NTM: variants seen among roughly 807,000 people sequenced by gnomAD.
NTM encodes the protein IgLON family member 2.
A neutral mutation model predicts 42.1 loss-of-function variants in NTM; 13 were observed. The observed-to-expected ratio is 0.31, with a 90% confidence interval of 0.20 to 0.49. NTM has a LOEUF of 0.49. Ranked by LOEUF, NTM falls within the 20% of genes least tolerant of loss-of-function variation. The pLI, the probability that NTM is intolerant of heterozygous loss-of-function variation, is 0.99. For synonymous variants in NTM, 187 were observed against 179.2 expected (o/e 1.04, Z -0.35); for missense variants, 373 against 452.8 (o/e 0.82, Z 1.60).
At chr11:132,115,944 C>A (rs2063828783) in intron 2 of NTM, among the ~76,000 whole-genome samples, 1 of 152,210 alleles carries the variant, frequency 6.6e-6, no homozygotes, top group South Asian at 2.1e-4. Flanking sequence ...CAGGCTCATC[C>A]TCCTCCTTGT....
At chr11:131,878,637 ATAT>A (rs2048968209) in intron 1 of NTM, among the ~76,000 whole-genome samples, 1 of 123,440 alleles carries the variant, frequency 8.1e-6, no homozygotes, top group African/African-American at 3.2e-5. Flanking sequence ...ATATATATAT[ATAT>A]AATGTCTTAT....
At chr11:131,756,174 G>A (rs1249345976) in intron 1 of NTM, among the ~76,000 whole-genome samples, 1 of 152,212 alleles carries the variant, frequency 6.6e-6, no homozygotes, top group Non-Finnish European at 1.5e-5. Flanking sequence ...TAGGAAGGGG[G>A]AAGTCATGTC....
At position 132,003,077 on chromosome 11, in the gene NTM, T is replaced by C. The variant is rs1001695329; in HGVS notation, c.167+91429T>C. Among the ~76,000 whole-genome samples, 2 of 152,142 alleles carry C rather than the reference T, an allele frequency of 1.3e-5. No homozygotes were observed. The highest frequency in any genetic ancestry group is 3.9e-4 in the East Asian group (2 of 5,176). On this transcript the variant is annotated intron_variant, in intron 2 of 8. Transcript: ENST00000683400. This position sits in a 1 kb window ranked among gnomAD's most constrained non-coding sequence, Gnocchi z 6.0. Reference sequence around the variant, plus strand: ...GAGCGCACTAAACAGTAAGATGCGCTGCCACAGTTGTGTGTGTAATTGACT... The same window carrying C: ...GAGCGCACTAAACAGTAAGATGCGCCGCCACAGTTGTGTGTGTAATTGACT...
At chr11:132,142,363 G>A (rs746783253) in intron 2 of NTM, among the ~76,000 whole-genome samples, 12 of 152,198 alleles carry the variant, frequency 7.9e-5, no homozygotes, top group Admixed American at 1.3e-4. Context: ...ATACCGTACC[G>A]TGTTTCAGGA....
intron 2 of NTM, among the ~76,000 whole-genome samples, chr11:132,001,045 G>A (rs1158634443): frequency 6.6e-6 from 1 of 152,184 alleles, no homozygotes; most frequent in Non-Finnish European, 1.5e-5. Flanking sequence ...GGTGGGAAAG[G>A]TCTTGAGCAG....
intron 1 of NTM, among the ~76,000 whole-genome samples, chr11:131,871,478 G>A (rs2137081630): frequency 6.6e-6 from 1 of 152,306 alleles, no homozygotes; most frequent in South Asian, 2.1e-4. Flanking sequence ...GGCAGACACA[G>A]CATGACTGAA....
At chr11:132,120,473 C>G (rs2064612614) in intron 2 of NTM, among the ~76,000 whole-genome samples, 1 of 152,214 alleles carries the variant, frequency 6.6e-6, no homozygotes, top group Non-Finnish European at 1.5e-5. Flanking sequence ...ATTTCCTCCT[C>G]TAAGGTTGCA....
chr11:132,176,611 C>T (rs1210451802), intron 3 of NTM, among the ~76,000 whole-genome samples: 1 of 151,638 alleles, frequency 6.6e-6, no homozygotes, highest in Non-Finnish European at 1.5e-5. Flanking sequence ...GTATAGATAT[C>T]CTCTCAGATT....
chr11:131,535,848 T>C (rs1035782136), intron 1 of NTM: 1 of 152,210 alleles, frequency 6.6e-6, no homozygotes, highest in Non-Finnish European at 1.5e-5. Flanking sequence ...GAAAACATGG[T>C]TGAACGAGTG....
chr11:131,488,237 C>T (rs984298530), intron 1 of NTM, among the ~76,000 whole-genome samples: 8 of 152,122 alleles, frequency 5.3e-5, no homozygotes, highest in African/African-American at 9.7e-5. Flanking sequence ...GTAGGTTGGC[C>T]GGGTGGTCTT....
chr11:131,989,717 GCACACACACACA>G (rs57222149), intron 2 of NTM, among the ~76,000 whole-genome samples: 4 of 149,332 alleles, frequency 2.7e-5, no homozygotes, highest in Admixed American at 1.3e-4. Context: ...TTAGATACAT[GCACACACACACA>G]CACACACACA....
At chr11:131,960,463 G>A (rs2062033927) in intron 2 of NTM, among the ~76,000 whole-genome samples, 1 of 152,234 alleles carries the variant, frequency 6.6e-6, no homozygotes, top group African/African-American at 2.4e-5. Flanking sequence ...GTGACTCTAG[G>A]AAGGGAATCG....
At chr11:131,724,718 G>A (rs886797901) in intron 1 of NTM, among the ~76,000 whole-genome samples, 2 of 152,140 alleles carry the variant, frequency 1.3e-5, no homozygotes, top group Non-Finnish European at 2.9e-5. Context: ...GACAAGGCCC[G>A]GCAGAAGGGC....
intron 7 of NTM, among the ~76,000 whole-genome samples, chr11:132,323,958 T>C (rs1485459682): frequency 6.1e-5 from 9 of 148,522 alleles, no homozygotes; most frequent in African/African-American, 2.2e-4. Flanking sequence ...AGAAAAGGCC[T>C]TTGACAAAAT....
rs989870404 is a variant in NTM at position 132,035,301 on chromosome 11, T to C, written c.168-110981T>C. On this transcript the variant is annotated intron_variant, in intron 2 of 8. Transcript: ENST00000683400. ...TATATACTGCCTTGTGGCATGATAA[T>C]TTCAGTTTGTGTGTCTTTATATCAT... 5.9e-5 allele frequency among the ~76,000 whole-genome samples: 9 copies of C among 152,340 alleles called. No homozygotes were observed. In the East Asian group the frequency reaches 1.7e-3, roughly 29 times the overall value.
chr11:131,515,257 A>G (rs2048748894), intron 1 of NTM, among the ~76,000 whole-genome samples: 2 of 152,022 alleles, frequency 1.3e-5, no homozygotes, highest in South Asian at 2.1e-4. Context: ...AATCAGAACC[A>G]CTTGGCCTCA....
intron 6 of NTM, chr11:132,312,703 G>A (rs1028886650): frequency 1.3e-5 from 2 of 154,838 alleles, no homozygotes; most frequent in African/African-American, 4.8e-5. Context: ...TGATGGGAAA[G>A]CTTCCTCCCC....
chr11:131,755,538 T>C (rs533079868), intron 1 of NTM, among the ~76,000 whole-genome samples: 2 of 152,198 alleles, frequency 1.3e-5, no homozygotes, highest in Non-Finnish European at 2.9e-5. Flanking sequence ...TCCCATGCAA[T>C]ATTTGGGACA....
chr11:131,848,339 T>C lies in NTM; in HGVS notation c.83-63225T>C, dbSNP rs537312500. On this transcript the variant is annotated intron_variant, in intron 1 of 8. Coordinates refer to ENST00000683400, the MANE Select transcript of NTM (RefSeq NM_001352005.2). ...CCAGTTGGAGTTTCCTTGATTTTTC[T>C]TATTAGATAGTTGATCCCGTTTTCT... Among the ~76,000 whole-genome samples, 230 of 152,372 alleles carry C rather than the reference T, an allele frequency of 1.5e-3. 2 individuals are homozygous for C. The highest frequency in any genetic ancestry group is 5.3e-3 in the African/African-American group (220 of 41,590).
Sources: allele counts gnomAD v4.1 joint callset (sites outside exome capture counted in the v4.1 genomes callset), GRCh38; gene constraint gnomAD v4.1.1; non-coding constraint Gnocchi (gnomAD v3.1); transcripts MANE v1.5; gene names NCBI Gene and HGNC (gene_info 2026-07-23, HGNC 2026-07-21).